Variants in PDIA5 observed in about 807,000 individuals in gnomAD.
PDIA5 encodes the protein protein disulfide isomerase family A member 5, also known as protein disulfide-isomerase A5.
PDIA5 carries 58 observed loss-of-function variants against 77.6 expected under a neutral mutation model. That is an observed-to-expected ratio of 0.75 (90% CI 0.61 to 0.93). PDIA5 has a LOEUF of 0.93. Among genes scored for constraint, PDIA5 ranks in the 40% least tolerant of loss-of-function variants. The probability of loss-of-function intolerance (pLI) is 0.00; values close to 1 mark genes in which losing one functional copy is unlikely to be tolerated. For missense variants in PDIA5, 630 were observed against 647.7 expected (o/e 0.97, Z 0.30); for synonymous variants, 250 against 252.1 (o/e 0.99, Z 0.08).
intron 7 of PDIA5, 87 bp downstream of exon 7, chr3:123,111,091 G>T (rs1181223935): frequency 5.6e-6 from 5 of 898,992 alleles, no homozygotes; most frequent in South Asian, 1.4e-5. Flanking sequence ...GCGGGGTCTG[G>T]GGGATTAGCC....
At chr3:123,099,473 G>C (rs956790094) in intron 3 of PDIA5, among the ~76,000 whole-genome samples, 1 of 152,136 alleles carries the variant, frequency 6.6e-6, no homozygotes, top group Non-Finnish European at 1.5e-5. Context: ...CCCTCAGGGA[G>C]AGAGAGAGTG....
At position 123,130,675 on chromosome 3, in the gene PDIA5, T is replaced by C; in HGVS notation, c.910+59T>C. Reference sequence around the variant, plus strand: ...CTCCCCTCTCTCAGAGTAGGATGAGTGTGGCGCTTTGCAATGTGAACCCAG... The same window carrying C: ...CTCCCCTCTCTCAGAGTAGGATGAGCGTGGCGCTTTGCAATGTGAACCCAG... On this transcript the variant is annotated intron_variant, in intron 11 of 16. Transcript: ENST00000316218. The C allele has an allele frequency of 3.2e-6, 5 of 1,575,844 alleles. No individual in the cohort carries two copies. The South Asian group carries it at 5.6e-5, about 18-fold the overall frequency.
chr3:123,102,681 G>A (rs1410575182), intron 4 of PDIA5, 70 bp from the exon 5 acceptor site: 3 of 1,300,808 alleles, frequency 2.3e-6, no homozygotes, highest in East Asian at 4.6e-5. Flanking sequence ...TTAAGATGCT[G>A]CAGGAAACCA....
chr3:123,083,222 G>T (rs1934057105), intron 1 of PDIA5, among the ~76,000 whole-genome samples: 1 of 151,646 alleles, frequency 6.6e-6, no homozygotes, highest in East Asian at 2.0e-4. Flanking sequence ...TGGGGGAGGG[G>T]GGGTGCAGTG....
At position 123,150,323 on chromosome 3, in the gene PDIA5, TGAA is replaced by T. The variant is rs1479061355; in HGVS notation, c.1242_1244del (p.Lys415del). 10 of 1,613,374 alleles carry T rather than the reference TGAA, an allele frequency of 6.2e-6. No homozygotes were observed. The highest frequency in any genetic ancestry group is 5.0e-5 in the Admixed American group (3 of 59,954). On this transcript the variant is annotated inframe_deletion, in exon 14 of 17. Coordinates refer to ENST00000316218, the MANE Select transcript of PDIA5 (RefSeq NM_006810.4). ...GTGGGGGACAACTTCCGGGAGACCC[TGAA>T]GAAGAAGAAACACACCTTGGTCATG...
chr3:123,142,464 A>G (rs1236359509), intron 11 of PDIA5, among the ~76,000 whole-genome samples: 2 of 152,226 alleles, frequency 1.3e-5, no homozygotes, highest in Non-Finnish European at 2.9e-5. Flanking sequence ...GGAAAGTGAT[A>G]TTCTTGTCAT....
intron 3 of PDIA5, among the ~76,000 whole-genome samples, chr3:123,101,740 T>C (rs1576443126): frequency 6.6e-6 from 1 of 152,022 alleles, no homozygotes; most frequent in Non-Finnish European, 1.5e-5. Flanking sequence ...TGCCTGATAA[T>C]TCTAAAGAAC....
chr3:123,141,611 G>A (rs968501755), intron 11 of PDIA5, among the ~76,000 whole-genome samples: 3 of 152,222 alleles, frequency 2.0e-5, no homozygotes, highest in Non-Finnish European at 2.9e-5. Context: ...GCAGGAGAGT[G>A]GGGGGCTCAC....
At chr3:123,122,181 G>A (rs1310579726) in intron 8 of PDIA5, among the ~76,000 whole-genome samples, 1 of 152,198 alleles carries the variant, frequency 6.6e-6, no homozygotes, top group Non-Finnish European at 1.5e-5. Flanking sequence ...CAATGGAATT[G>A]GAAGGTTTTG....
chr3:123,155,401 G>T (rs550496400), intron 15 of PDIA5, among the ~76,000 whole-genome samples: 134 of 152,322 alleles, frequency 8.8e-4, no homozygotes, highest in Non-Finnish European at 2.5e-4. Context: ...TCAACTGGAG[G>T]ATGCCATGGT....
chr3:123,094,893 G>C (rs1308352027), intron 3 of PDIA5, among the ~76,000 whole-genome samples: 2 of 152,204 alleles, frequency 1.3e-5, no homozygotes, highest in African/African-American at 2.4e-5. Context: ...CTTGGGGTTG[G>C]GGTGACCAGG....
chr3:123,080,913 C>A (rs971398787), intron 1 of PDIA5, among the ~76,000 whole-genome samples: 2 of 148,476 alleles, frequency 1.3e-5, no homozygotes, highest in African/African-American at 4.9e-5. Flanking sequence ...CTTTAGCAGG[C>A]CCTTCCTCCC....
intron 7 of PDIA5, among the ~76,000 whole-genome samples, chr3:123,114,304 G>C (rs930429833): frequency 6.6e-6 from 1 of 152,188 alleles, no homozygotes; most frequent in African/African-American, 2.4e-5. Flanking sequence ...TTCCCTCCTG[G>C]GGAGTGCAGC....
intron 1 of PDIA5, among the ~76,000 whole-genome samples, chr3:123,080,325 G>A (rs1160012818): frequency 6.6e-6 from 1 of 152,278 alleles, no homozygotes; most frequent in East Asian, 1.9e-4. Context: ...GGGCTACCTG[G>A]AGGCTGGAGA....
chr3:123,077,270 C>A (rs995268369), intron 1 of PDIA5, among the ~76,000 whole-genome samples: 3 of 152,178 alleles, frequency 2.0e-5, no homozygotes, highest in Admixed American at 6.5e-5. Flanking sequence ...AATAAAAGTG[C>A]TTACTTTATA....
chr3:123,110,142 G>T (rs977896167), intron 6 of PDIA5, among the ~76,000 whole-genome samples: 1 of 152,122 alleles, frequency 6.6e-6, no homozygotes. Context: ...TCCATCATTG[G>T]CTCTCATTGG....
chr3:123,107,110 C>T lies in PDIA5; in HGVS notation c.480+269C>T, dbSNP rs564117357. Among the ~76,000 whole-genome samples, 4 of 152,332 alleles carry T rather than the reference C, an allele frequency of 2.6e-5. No individual in the cohort carries two copies. In the East Asian group the frequency reaches 7.7e-4, roughly 29 times the overall value. ...TTTGAACACGTTTAGATTTTCCATACATTAATGTAGATTTAAATGTTCTCT... is the reference window on the plus strand; with the variant it reads ...TTTGAACACGTTTAGATTTTCCATATATTAATGTAGATTTAAATGTTCTCT... On this transcript the variant is annotated intron_variant, in intron 6 of 16. Transcript: ENST00000316218.
intron 1 of PDIA5, among the ~76,000 whole-genome samples, chr3:123,082,567 G>T (rs946595516): frequency 6.6e-6 from 1 of 152,088 alleles, no homozygotes; most frequent in African/African-American, 2.4e-5. Flanking sequence ...GGCTGAATGT[G>T]TGTACGTGTT....
chr3:123,101,601 T>G (rs1934598655), intron 3 of PDIA5, among the ~76,000 whole-genome samples: 1 of 152,212 alleles, frequency 6.6e-6, no homozygotes, highest in Admixed American at 6.5e-5. Flanking sequence ...CCTCTTACCT[T>G]GGTCACGTAG....
Sources: gnomAD v4.1 joint callset for allele counts (sites outside exome capture counted in the v4.1 genomes callset) on GRCh38, gnomAD v4.1.1 for gene constraint, MANE v1.5 for transcripts, NCBI Gene and HGNC (gene_info 2026-07-23, HGNC 2026-07-21) for gene names.